The following CSMD1 variants were observed in gnomAD, a reference collection of about 807,000 sequenced individuals.
The protein encoded by CSMD1 is CUB and sushi domain-containing protein 1.
In CSMD1, 213 loss-of-function variants were observed where a neutral mutation model predicts 417.5. The ratio of observed to expected loss-of-function variants is 0.51; its 90% CI spans 0.46 to 0.57. The LOEUF (loss-of-function observed/expected upper bound fraction) is 0.57, where lower values mean the gene tolerates loss of function less well. Among genes scored for constraint, CSMD1 ranks in the 20% least tolerant of loss-of-function variants. The probability of loss-of-function intolerance (pLI) is 0.00; values close to 1 mark genes in which losing one functional copy is unlikely to be tolerated. For synonymous variants in CSMD1, 2,862 were observed against 1,736.8 expected, an observed-to-expected ratio of 1.65 and a Z score of -16.11; for missense variants, 6,923 against 4,529.7, an observed-to-expected ratio of 1.53 and a Z score of -15.17.
At chr8:4,812,177 G>C (rs375560033) in intron 1 of CSMD1, among the ~76,000 whole-genome samples, 20 of 152,200 alleles carry the variant, frequency 1.3e-4, no homozygotes, top group African/African-American at 4.1e-4. Context: ...TGTGCAGCGA[G>C]ATAAACACAG....
At chr8:4,141,462 G>T (rs1421651901) in intron 3 of CSMD1, among the ~76,000 whole-genome samples, 1 of 151,144 alleles carries the variant, frequency 6.6e-6, no homozygotes, top group Non-Finnish European at 1.5e-5. Context: ...GTTTAACACT[G>T]CTTTTGTATA....
chr8:3,398,128 A>G (rs568321505), intron 16 of CSMD1, among the ~76,000 whole-genome samples: 1 of 152,300 alleles, frequency 6.6e-6, no homozygotes, highest in South Asian at 2.1e-4. Context: ...GAGGGCTAAT[A>G]GACTGGCCAG....
chr8:3,313,152 A>G (rs1371350907), intron 23 of CSMD1, among the ~76,000 whole-genome samples: 1 of 152,222 alleles, frequency 6.6e-6, no homozygotes. Flanking sequence ...GTTAGACCTA[A>G]AACCATAAAA....
chr8:4,796,590 A>G (rs1393252485), intron 1 of CSMD1, among the ~76,000 whole-genome samples: 1 of 151,960 alleles, frequency 6.6e-6, no homozygotes, highest in African/African-American at 2.4e-5. Flanking sequence ...GAGGCTGCAG[A>G]CCTCGGCTCC....
intron 25 of CSMD1, among the ~76,000 whole-genome samples, chr8:3,295,103 T>G (rs894178803): frequency 1.4e-5 from 2 of 147,432 alleles, no homozygotes; most frequent in African/African-American, 2.5e-5. Context: ...TGTATCACTT[T>G]CAATTTGCTT....
chr8:3,439,309 A>ATATATATATATATATATATATATATTTTT, intron 12 of CSMD1, among the ~76,000 whole-genome samples: 5 of 62,460 alleles, frequency 8.0e-5, no homozygotes, highest in Non-Finnish European at 1.1e-4. Flanking sequence ...ATATATATAT[A>ATATATATATATATATATATATATATTTTT]TTTTTTTTTT....
chr8:4,829,294 T>C (rs1800005983), intron 1 of CSMD1, among the ~76,000 whole-genome samples: 1 of 152,208 alleles, frequency 6.6e-6, no homozygotes, highest in Non-Finnish European at 1.5e-5. Context: ...TCATAAGCTT[T>C]ATCCCATCAA....
At chr8:4,736,339 G>A (rs191151364) in intron 1 of CSMD1, among the ~76,000 whole-genome samples, 1 of 152,166 alleles carries the variant, frequency 6.6e-6, no homozygotes, top group Admixed American at 6.5e-5. Flanking sequence ...GAGATATTCA[G>A]ATAATAAGGA....
At chr8:4,061,167 A>G (rs1260070107) in intron 3 of CSMD1, among the ~76,000 whole-genome samples, 1 of 152,176 alleles carries the variant, frequency 6.6e-6, no homozygotes, top group Non-Finnish European at 1.5e-5. Context: ...CTTACGATGG[A>G]AAATCCCTCA....
At chr8:3,590,280 A>AT (rs1342801817) in intron 8 of CSMD1, among the ~76,000 whole-genome samples, 41 of 152,216 alleles carry the variant, frequency 2.7e-4, no homozygotes, top group African/African-American at 9.6e-4. Context: ...TATTCAAATG[A>AT]TTATATTTTT....
chr8:4,632,995 T>C (rs1243626828), intron 2 of CSMD1, among the ~76,000 whole-genome samples: 1 of 152,058 alleles, frequency 6.6e-6, no homozygotes, highest in East Asian at 1.9e-4. Context: ...AGTCCGATCA[T>C]GGACTTTCTT....
intron 5 of CSMD1, among the ~76,000 whole-genome samples, chr8:3,918,790 A>G (rs1322967464): frequency 6.6e-6 from 1 of 152,134 alleles, no homozygotes; most frequent in Non-Finnish European, 1.5e-5. Context: ...AAAACCAAAC[A>G]TTTTATGTTC....
chr8:4,572,110 A>G (rs1412207244), intron 2 of CSMD1, among the ~76,000 whole-genome samples: 1 of 152,180 alleles, frequency 6.6e-6, no homozygotes, highest in South Asian at 2.1e-4. Context: ...CATTTAGCCC[A>G]TTTAAATTTA....
intron 2 of CSMD1, among the ~76,000 whole-genome samples, chr8:4,584,050 G>A (rs979067626): frequency 1.3e-5 from 2 of 151,614 alleles, no homozygotes; most frequent in Admixed American, 6.6e-5. Context: ...CACTCACTAC[G>A]AAGGTCTGCA....
intron 2 of CSMD1, among the ~76,000 whole-genome samples, chr8:4,630,254 C>T (rs1305716144): frequency 1.4e-5 from 2 of 145,026 alleles, no homozygotes; most frequent in Admixed American, 1.4e-4. Context: ...AACAAATAAG[C>T]ACACAGCAAA....
intron 1 of CSMD1, among the ~76,000 whole-genome samples, chr8:4,843,959 G>C (rs1239028511): frequency 1.3e-5 from 2 of 152,182 alleles, no homozygotes; most frequent in African/African-American, 2.4e-5. Flanking sequence ...GTAACGGAAA[G>C]TGTGTTTCTC....
intron 21 of CSMD1, among the ~76,000 whole-genome samples, chr8:3,351,859 A>T (rs943824556): frequency 6.6e-6 from 1 of 151,588 alleles, no homozygotes. Flanking sequence ...AAAGATTTTA[A>T]AGACGATTAA....
At chr8:4,684,644 G>C (rs903458392) in intron 1 of CSMD1, among the ~76,000 whole-genome samples, 1 of 152,086 alleles carries the variant, frequency 6.6e-6, no homozygotes, top group Non-Finnish European at 1.5e-5. Flanking sequence ...TTGAATGTAA[G>C]GATTATAAGG....
intron 5 of CSMD1, among the ~76,000 whole-genome samples, chr8:3,830,552 T>C (rs948757253): frequency 2.6e-5 from 4 of 152,184 alleles, no homozygotes; most frequent in Non-Finnish European, 5.9e-5. Context: ...TCCTGGCATG[T>C]AGAAACCCTC....
Sources: allele counts gnomAD v4.1 joint callset (sites outside exome capture counted in the v4.1 genomes callset), GRCh38; gene constraint gnomAD v4.1.1; transcripts MANE v1.5; gene names NCBI Gene and HGNC (gene_info 2026-07-23, HGNC 2026-07-21).